GDAP1L1: variants seen among roughly 807,000 people sequenced by gnomAD.
GDAP1L1 encodes ganglioside-induced differentiation-associated protein 1-like 1.
In GDAP1L1, 21 loss-of-function variants were observed where a neutral mutation model predicts 37.1. The ratio of observed to expected loss-of-function variants is 0.57; its 90% CI spans 0.40 to 0.81. The LOEUF (loss-of-function observed/expected upper bound fraction) is 0.81. Among genes scored for constraint, GDAP1L1 ranks in the 40% least tolerant of loss-of-function variants. GDAP1L1 has a pLI of 0.00. For missense variants in GDAP1L1, 362 were observed against 491.6 expected, an observed-to-expected ratio of 0.74 and a Z score of 2.49; for synonymous variants, 193 against 209.1, an observed-to-expected ratio of 0.92 and a Z score of 0.67.
chr20:44,259,158 C>T (rs1235336019), intron 3 of GDAP1L1, among the ~76,000 whole-genome samples: 1 of 152,190 alleles, frequency 6.6e-6, no homozygotes, highest in East Asian at 1.9e-4. Flanking sequence ...GAAGGTTACC[C>T]ATGAGCATGT....
Position 44,270,630 on chromosome 20 carries a change from G to A in GDAP1L1, c.760+6071G>A, listed in dbSNP as rs187921150. Among the ~76,000 whole-genome samples the A allele has an allele frequency of 3.3e-5, 5 of 152,304 alleles. No individual in the cohort carries two copies. In the East Asian group the frequency reaches 9.7e-4, roughly 29 times the overall value. On this transcript the variant is annotated intron_variant, in intron 5 of 5. Transcript: ENST00000342560. ...TGATTTGAAGGCTTGACTGGGGCCG[G>A]AGGATCCACTTCCAAGCTGCCTTAT... is the stretch of plus-strand genomic sequence containing the variant.
rs529404334 is a variant in GDAP1L1 at position 44,276,140 on chromosome 20, G to A, written c.761-2817G>A. 3.3e-3 allele frequency among the ~76,000 whole-genome samples: 501 copies of A among 150,330 alleles called. 3 individuals carry two copies. The highest frequency in any genetic ancestry group is 4.9e-3 in the Non-Finnish European group (334 of 67,822). ...ATTTCAAGACCAGCCTGGCCAACGT[G>A]GCAAAACCCCATCTCTAGTAAAAAT... On this transcript the variant is annotated intron_variant, in intron 5 of 5. Transcript: ENST00000342560.
At chr20:44,271,000 A>G (rs966424216) in intron 5 of GDAP1L1, among the ~76,000 whole-genome samples, 4 of 152,206 alleles carry the variant, frequency 2.6e-5, no homozygotes, top group African/African-American at 4.8e-5. Flanking sequence ...GGTCACGTGC[A>G]CTTGTAATTC....
rs1270334859 is a variant in GDAP1L1, at chr20:44,276,428, G to A, written c.761-2529G>A. ...GAAAAAAGAAAAAGAAAGAAAGAAAGAAAGAAAGAAAGAAAGAAAGAAAGA... is the reference window on the plus strand; with the variant it reads ...GAAAAAAGAAAAAGAAAGAAAGAAAAAAAGAAAGAAAGAAAGAAAGAAAGA... On this transcript the variant is annotated intron_variant, in intron 5 of 5. Coordinates refer to ENST00000342560, the MANE Select transcript of GDAP1L1 (RefSeq NM_024034.6). 9.4e-5 allele frequency among the ~76,000 whole-genome samples: 13 copies of A among 138,488 alleles called. No individual in the cohort carries two copies. In the Admixed American group the frequency reaches 1.0e-3, roughly 11 times the overall value. 90.9% of individuals were successfully genotyped at this position (138,488 alleles called of 152,430 possible). A position where few individuals can be genotyped will look rare whatever the true frequency, so the allele number is the denominator to read the frequency against.
chr20:44,264,653 A>C, intron 5 of GDAP1L1, 94 bp downstream of exon 5: 2 of 1,521,044 alleles, frequency 1.3e-6, no homozygotes, highest in South Asian at 2.4e-5. Context: ...CAAAAGTCTC[A>C]GAGGACCTCC....
intron 3 of GDAP1L1, among the ~76,000 whole-genome samples, chr20:44,260,430 AAG>A (rs2073651126): frequency 6.6e-6 from 1 of 152,154 alleles, no homozygotes; most frequent in African/African-American, 2.4e-5. Context: ...GAGCAGAACT[AAG>A]AGACTGCAGC....
chr20:44,265,155 C>T (rs2073741501), intron 5 of GDAP1L1: 1 of 985,428 alleles, frequency 1.0e-6, no homozygotes, highest in Non-Finnish European at 1.2e-6. Flanking sequence ...ATAGCTCCTT[C>T]GTGCTCCAGC....
At chr20:44,260,408 T>C (rs891020839) in intron 3 of GDAP1L1, among the ~76,000 whole-genome samples, 4 of 152,022 alleles carry the variant, frequency 2.6e-5, no homozygotes, top group African/African-American at 9.7e-5. Context: ...GCCAATAGTT[T>C]GTGTCTTTGG....
At chr20:44,259,362 G>A (rs1271135251) in intron 3 of GDAP1L1, among the ~76,000 whole-genome samples, 1 of 152,196 alleles carries the variant, frequency 6.6e-6, no homozygotes, top group Non-Finnish European at 1.5e-5. Flanking sequence ...GATAATAGGT[G>A]CTCAGTGAAT....
In GDAP1L1 at chr20:44,264,485, A is replaced by T; in HGVS notation, c.686A>T (p.Lys229Met). 1.3e-6 allele frequency: 2 copies of T among 1,546,666 alleles called. No individual in the cohort carries two copies. The highest frequency in any genetic ancestry group is 1.7e-6 in the Non-Finnish European group (2 of 1,146,304). Residue 229 changes from lysine (K) to methionine (M), a missense_variant, in exon 5 of 6, where the codon AAG (lysine) becomes ATG (methionine). Around this residue, in one of 2 missense-constraint regions of GDAP1L1, gnomAD observed 277 missense variants for 337.1 expected, o/e 0.82. Coordinates refer to ENST00000342560, the MANE Select transcript of GDAP1L1 (RefSeq NM_024034.6). ...CATGATGATGTGAGCTACCTGAAGA[A>T]GATCCTCGGGGAACTGGCCATGGTG... ...LEHDDVSYLK[K>M]ILGELAMVLD...
chr20:44,275,446 C>A (rs571004366), intron 5 of GDAP1L1, among the ~76,000 whole-genome samples: 1 of 152,216 alleles, frequency 6.6e-6, no homozygotes, highest in South Asian at 2.1e-4. Context: ...AATTCCTGAA[C>A]TGAAAGGAAC....
intron 3 of GDAP1L1, among the ~76,000 whole-genome samples, chr20:44,262,114 G>T (rs1339695060): frequency 5.3e-5 from 8 of 152,104 alleles, no homozygotes; most frequent in African/African-American, 1.7e-4. Flanking sequence ...CGAGGGCAGT[G>T]AGGAGCCAGG....
At chr20:44,261,324 C>T (rs1468231685) in intron 3 of GDAP1L1, among the ~76,000 whole-genome samples, 1 of 152,198 alleles carries the variant, frequency 6.6e-6, no homozygotes, top group Non-Finnish European at 1.5e-5. Flanking sequence ...CCTTCACATT[C>T]ATAAAACATC....
intron 3 of GDAP1L1, among the ~76,000 whole-genome samples, chr20:44,262,227 G>A (rs957483573): frequency 2.6e-5 from 4 of 152,104 alleles, no homozygotes; most frequent in African/African-American, 9.7e-5. Context: ...GTGACAGAGG[G>A]TGGGTGAAAC....
intron 5 of GDAP1L1, chr20:44,265,160 T>A: frequency 2.0e-6 from 2 of 985,390 alleles, no homozygotes; most frequent in Non-Finnish European, 2.4e-6. Flanking sequence ...TCCTTCGTGC[T>A]CCAGCCAGAC....
chr20:44,271,809 G>A lies in GDAP1L1; in HGVS notation c.761-7148G>A, dbSNP rs549778720. ...GGGGCGTGGTTCAGGCAGGGGCCCC[G>A]TAGAAAACAGAGGACATCTTCAAAC... On this transcript the variant is annotated intron_variant, in intron 5 of 5. Coordinates refer to ENST00000342560, the MANE Select transcript of GDAP1L1 (RefSeq NM_024034.6). Among the ~76,000 whole-genome samples, 18 of 152,260 alleles carry A rather than the reference G, an allele frequency of 1.2e-4. 1 individual carries two copies. The highest frequency in any genetic ancestry group is 2.6e-4 in the African/African-American group (11 of 41,534).
intron 5 of GDAP1L1, among the ~76,000 whole-genome samples, chr20:44,270,862 C>T (rs1185106374): frequency 6.6e-6 from 1 of 152,186 alleles, no homozygotes; most frequent in Admixed American, 6.5e-5. Flanking sequence ...CACTCTGCCC[C>T]ATCATTCATT....
chr20:44,268,168 C>A (rs1600554640), intron 5 of GDAP1L1, among the ~76,000 whole-genome samples: 1 of 152,208 alleles, frequency 6.6e-6, no homozygotes, highest in Non-Finnish European at 1.5e-5. Context: ...CAGTTGAGAC[C>A]CCTTGCATAG....
chr20:44,259,665 T>A (rs2073637512), intron 3 of GDAP1L1, among the ~76,000 whole-genome samples: 1 of 151,942 alleles, frequency 6.6e-6, no homozygotes, highest in African/African-American at 2.4e-5. Flanking sequence ...CTTGCTAATT[T>A]TTTGTATTTT....
Sources: allele counts gnomAD v4.1 joint callset (sites outside exome capture counted in the v4.1 genomes callset), GRCh38; gene constraint gnomAD v4.1.1; regional missense constraint gnomAD v4.1.1; transcripts MANE v1.5; gene names NCBI Gene and HGNC (gene_info 2026-07-23, HGNC 2026-07-21).